ARHGAP33: variants seen among roughly 807,000 people sequenced by gnomAD.
ARHGAP33 encodes the protein rho GTPase-activating protein 33.
ARHGAP33 carries 57 observed loss-of-function variants against 126.2 expected under a neutral mutation model. The observed-to-expected ratio is 0.45, with a 90% confidence interval of 0.36 to 0.56. The LOEUF (loss-of-function observed/expected upper bound fraction) is 0.56. Ranked by LOEUF, ARHGAP33 falls within the 20% of genes least tolerant of loss-of-function variation. The pLI is 0.00. For synonymous variants in ARHGAP33, 711 were observed against 755.0 expected, an observed-to-expected ratio of 0.94 and a Z score of 0.95; for missense variants, 1,500 against 1,748.3, an observed-to-expected ratio of 0.86 and a Z score of 2.53.
chr19:35,782,903 T>A lies in ARHGAP33; in HGVS notation c.1421+34T>A. ...CTTGCTCGCCTGCCTGCCCCTCAGG[T>A]CTTTCCCCAAAACCACCCCAGGAAC... On this transcript the variant is annotated intron_variant, in intron 15 of 20. Transcript: ENST00000007510. This position sits in a 1 kb window ranked among gnomAD's most constrained non-coding sequence, Gnocchi z 4.1. 1 of 1,572,078 alleles carries A rather than the reference T, an allele frequency of 6.4e-7. No homozygotes were observed. The highest frequency in any genetic ancestry group is 8.6e-7 in the Non-Finnish European group (1 of 1,156,942).
intron 3 of ARHGAP33, 24 bp from the exon 4 acceptor site, chr19:35,778,256 C>T (rs1313397846): frequency 1.2e-6 from 2 of 1,613,604 alleles, no homozygotes; most frequent in African/African-American, 1.3e-5. Flanking sequence ...AAAAGTCCAC[C>T]TGGGCCTTGC....
In ARHGAP33 at chr19:35,785,088, C is replaced by T. The variant is rs763204420; in HGVS notation, c.1703C>T (p.Pro568Leu). 5.1e-6 allele frequency: 8 copies of T among 1,579,446 alleles called. No individual in the cohort carries two copies. The highest frequency in any genetic ancestry group is 2.3e-5 in the East Asian group (1 of 43,472). Residue 568 changes from proline (P) to leucine (L), a missense_variant, in exon 17 of 21, where the codon CCG becomes CTG. By Grantham distance (98) the Pro-to-Leu change is moderately conservative. Transcript: ENST00000007510. ...ACGGAGCCCACAACTCCCAAGGCCCCGGCCTCACCTGCGGAAAGGTGAGTG... is the reference window on the plus strand; with the variant it reads ...ACGGAGCCCACAACTCCCAAGGCCCTGGCCTCACCTGCGGAAAGGTGAGTG... ...TPTEPTTPKAPASPAERRKGE... is the reference protein window; with the variant it reads ...TPTEPTTPKALASPAERRKGE...
chr19:35,781,772 A>G (rs1971797574), intron 12 of ARHGAP33, among the ~76,000 whole-genome samples: 1 of 152,210 alleles, frequency 6.6e-6, no homozygotes, highest in Admixed American at 6.5e-5. Flanking sequence ...TCCCCGTGCC[A>G]GCGCAGGCAA....
intron 15 of ARHGAP33, among the ~76,000 whole-genome samples, chr19:35,783,306 G>T (rs542312934): frequency 6.6e-6 from 1 of 152,332 alleles, no homozygotes; most frequent in East Asian, 1.9e-4. Flanking sequence ...ACAGTCTTCT[G>T]GGGGCACAGA....
Position 35,785,596 on chromosome 19 carries a change from C to T in ARHGAP33, c.1942+113C>T, listed in dbSNP as rs868833266. On this transcript the variant is annotated intron_variant, in intron 19 of 20. Coordinates refer to ENST00000007510, the MANE Select transcript of ARHGAP33 (RefSeq NM_001366178.1). ...TACTTCACATTTGGGGGCCCTGGGG[C>T]TTTTGAAAAATTTAACCTGGCCTTT... 2.0e-6 allele frequency: 3 copies of T among 1,525,758 alleles called. No homozygotes were observed. In the South Asian group the frequency reaches 3.7e-5, roughly 19 times the overall value. The allele number at this position is 1,525,758 out of a possible 1,614,324, so 94.5% of individuals were successfully genotyped here.
rs182607688 is a variant in ARHGAP33 at position 35,782,964 on chromosome 19, G to C, written c.1421+95G>C. The C allele has an allele frequency of 1.4e-5, 15 of 1,106,178 alleles. No homozygotes were observed. The highest frequency in any genetic ancestry group is 2.0e-5 in the Non-Finnish European group (15 of 765,072). 68.5% of individuals were successfully genotyped at this position (1,106,178 alleles called of 1,614,324 possible). A position where few individuals can be genotyped will look rare whatever the true frequency, so the allele number is the denominator to read the frequency against. ...TTTCTTTTGTTTATTCATCGAATAC[G>C]TGTCTATCAAATACCTCCCATGGAC... On this transcript the variant is annotated intron_variant, in intron 15 of 20. Coordinates refer to ENST00000007510, the MANE Select transcript of ARHGAP33 (RefSeq NM_001366178.1). This position sits in a 1 kb window ranked among gnomAD's most constrained non-coding sequence, Gnocchi z 4.1.
chr19:35,780,344 G>C lies in ARHGAP33; in HGVS notation c.624+11G>C. On this transcript the variant is annotated intron_variant, in intron 7 of 20. Coordinates refer to ENST00000007510, the MANE Select transcript of ARHGAP33 (RefSeq NM_001366178.1). ...GAGCTGTCCTTTGAGGTGAGGCTGT[G>C]GGGAAGCAGATTCCAGCTGGGCTCC... 4 of 1,613,428 alleles carry C rather than the reference G, an allele frequency of 2.5e-6. No homozygotes were observed. The highest frequency in any genetic ancestry group is 3.4e-6 in the Non-Finnish European group (4 of 1,179,904).
Position 35,785,217 on chromosome 19 carries a change from CG to C in ARHGAP33, c.1752del (p.Lys585SerfsTer47). 1.3e-6 allele frequency: 2 copies of C among 1,578,950 alleles called. No homozygotes were observed. Among genetic ancestry groups the C allele is most frequent in the Non-Finnish European group, 1.7e-6 (2 of 1,159,290 alleles). On this transcript the variant is annotated frameshift_variant, in exon 18 of 21. Transcript: ENST00000007510. LOFTEE classifies it high-confidence loss of function. ...GAAAGGGGAGAGAGGGGAGAAGCAG[CG>C]GAAGCCAGGGGGCAGCAGCTGGAAG... ...RRKGERGEKQ[R>X]KPGGSSWKTF... is the part of the protein sequence containing the mutation.
intron 16 of ARHGAP33, 23 bp from the exon 17 acceptor site, chr19:35,784,930 T>G: frequency 7.2e-6 from 11 of 1,528,228 alleles, no homozygotes; most frequent in Non-Finnish European, 9.6e-6. Flanking sequence ...AGCTGACAGC[T>G]GCCCCCTTTC....
At position 35,784,986 on chromosome 19, in the gene ARHGAP33, C is replaced by T. The variant is rs373813385; in HGVS notation, c.1601C>T (p.Ala534Val). The T allele has an allele frequency of 1.3e-4, 196 of 1,545,386 alleles. 4 individuals are homozygous for T. The South Asian group carries it at 2.1e-3, about 17-fold the overall frequency. Residue 534 changes from alanine to valine, a missense_variant, in exon 17 of 21, where the codon GCG (alanine) becomes GTG (valine). This residue lies in a region of ARHGAP33 where 300 missense variants were observed against 291.1 expected (regional missense o/e 1.03). Transcript: ENST00000007510. Reference sequence around the variant, plus strand: ...CTGCTCCCCAGGCCCAAGTCCCTTGCGGGCAGCTGCCCCTCCACCCGCCTG... The same window carrying T: ...CTGCTCCCCAGGCCCAAGTCCCTTGTGGGCAGCTGCCCCTCCACCCGCCTG... Reference protein sequence around the residue: ...RCLLPRPKSLAGSCPSTRLLT... With the variant: ...RCLLPRPKSLVGSCPSTRLLT...
At position 35,788,270 on chromosome 19, in the gene ARHGAP33, C is replaced by T. The variant is rs745853629; in HGVS notation, c.3705C>T (p.Tyr1235=). ...PWGPPEPLLL[Y]RAAPPAYGRG... ...GCCCTCCTGAGCCTCTCCTGCTCTA[C>T]AGGGCAGCCCCGCCAGCCTACGGAA... The change falls in exon 21 of 21, where the codon TAC becomes TAT. Residue 1235 remains tyrosine (Y), a synonymous_variant. Transcript: ENST00000007510. 6.2e-7 allele frequency: 1 copy of T among 1,609,266 alleles called. No homozygotes were observed. Among genetic ancestry groups the T allele is most frequent in the South Asian group, 1.1e-5 (1 of 90,908 alleles).
intron 19 of ARHGAP33, 34 bp downstream of exon 19, chr19:35,785,517 G>C: frequency 1.2e-6 from 2 of 1,613,278 alleles, no homozygotes; most frequent in Non-Finnish European, 1.7e-6. Context: ...GGCGCTACCT[G>C]TGCCCATGTG....
rs367705188 is a variant in ARHGAP33, at chr19:35,782,700, C to A, written c.1313+21C>A. Reference sequence around the variant, plus strand: ...TACAGGTAAACCAGGAGGGGCAGGGCGGGACTTGGTGGGATTCCAAGGGGG... The same window carrying A: ...TACAGGTAAACCAGGAGGGGCAGGGAGGGACTTGGTGGGATTCCAAGGGGG... On this transcript the variant is annotated intron_variant, in intron 14 of 20. Transcript: ENST00000007510. This position sits in a 1 kb window ranked among gnomAD's most constrained non-coding sequence, Gnocchi z 4.1. The A allele has an allele frequency of 3.4e-5, 54 of 1,610,266 alleles. No homozygotes were observed. The East Asian group carries it at 1.2e-3, about 35-fold the overall frequency.
Position 35,784,292 on chromosome 19 carries a change from CA to C in ARHGAP33, c.1543del (p.Thr515ProfsTer29). On this transcript the variant is annotated frameshift_variant, in exon 16 of 21. Transcript: ENST00000007510. LOFTEE classifies it high-confidence loss of function. Reference sequence around the variant, plus strand: ...TGGACGTCCTGTTCAGCGACACCTTCACCTCCGCCGGCCTCGACCCTGCAGG... The same window carrying C: ...TGGACGTCCTGTTCAGCGACACCTTCCCTCCGCCGGCCTCGACCCTGCAGG... ...HVDVLFSDTFTSAGLDPAGRC... is the reference protein window; with the variant it reads ...HVDVLFSDTFXSAGLDPAGRC... 1 of 1,597,848 alleles carries C rather than the reference CA, an allele frequency of 6.3e-7. No homozygotes were observed. Among genetic ancestry groups the C allele is most frequent in the South Asian group, 1.1e-5 (1 of 88,878 alleles).
At chr19:35,784,911 C>T (rs1219282864) in intron 16 of ARHGAP33, 42 bp from the exon 17 acceptor site, 17 of 1,502,412 alleles carry the variant, frequency 1.1e-5, no homozygotes, top group East Asian at 7.5e-5. Context: ...TGGCCTTGGG[C>T]GGCCCCAGAG....
At position 35,780,230 on chromosome 19, in the gene ARHGAP33, G is replaced by A. The variant is rs747730101; in HGVS notation, c.521G>A (p.Arg174Gln). ...TTTCAGCTGGACAATCACGGCCGGC[G>A]ACTGCTCCTCAGTGAGGAGGCGTCA... is the stretch of plus-strand genomic sequence containing the variant. ...TWMELDNHGR[R>Q]LLLSEEASLN... Residue 174 changes from arginine (R) to glutamine (Q), a missense_variant, in exon 7 of 21, where the codon CGA becomes CAA. Transcript: ENST00000007510. 10 of 1,613,874 alleles carry A rather than the reference G, an allele frequency of 6.2e-6. No homozygotes were observed. The highest frequency in any genetic ancestry group is 6.8e-6 in the Non-Finnish European group (8 of 1,179,990).
rs202034847 is a variant in ARHGAP33, at chr19:35,788,214, C to G, written c.3649C>G (p.Arg1217Gly). The G allele has an allele frequency of 6.2e-7, 1 of 1,609,228 alleles. No homozygotes were observed. The highest frequency in any genetic ancestry group is 2.2e-5 in the East Asian group (1 of 44,742). Residue 1217 changes from arginine (R) to glycine (G), a missense_variant, in exon 21 of 21, where the codon CGT becomes GGT. Around this residue, in one of 6 missense-constraint regions of ARHGAP33, gnomAD observed 642 missense variants for 634.0 expected, o/e 1.01. Transcript: ENST00000007510. ...GAAACAACGGGCACCCTGGGGACCC[C>G]GTACCCCTCATAGGGTGCCGGGTCC... is the stretch of plus-strand genomic sequence containing the variant. ...PQKQRAPWGP[R>G]TPHRVPGPWG...
intron 15 of ARHGAP33, among the ~76,000 whole-genome samples, chr19:35,783,606 T>C (rs1971922748): frequency 6.6e-6 from 1 of 151,894 alleles, no homozygotes; most frequent in Admixed American, 6.6e-5. Context: ...CCGGTGTGGC[T>C]GGAGCTGAGT....
chr19:35,779,227 C>T, intron 6 of ARHGAP33, 103 bp downstream of exon 6: 1 of 869,992 alleles, frequency 1.1e-6, no homozygotes, highest in Non-Finnish European at 1.8e-6. Context: ...AGAAAGGAGC[C>T]AGAGTGGAGG....
Sources: allele counts gnomAD v4.1 joint callset (sites outside exome capture counted in the v4.1 genomes callset), GRCh38; gene constraint gnomAD v4.1.1; regional missense constraint gnomAD v4.1.1; non-coding constraint Gnocchi (gnomAD v3.1); transcripts MANE v1.5; gene names NCBI Gene and HGNC (gene_info 2026-07-23, HGNC 2026-07-21).